ARID4A: variants seen among roughly 807,000 people sequenced by gnomAD.
ARID4A encodes AT-rich interaction domain 4A.
ARID4A carries 39 observed loss-of-function variants against 148.6 expected under a neutral mutation model. That is an observed-to-expected ratio of 0.26 (90% CI 0.20 to 0.34). The LOEUF (loss-of-function observed/expected upper bound fraction) is 0.34, where lower values mean the gene tolerates loss of function less well. Ranked by LOEUF, ARID4A falls within the 10% of genes least tolerant of loss-of-function variation. ARID4A has a pLI of 1.00. For missense variants in ARID4A, 1,265 were observed against 1,449.1 expected, an observed-to-expected ratio of 0.87 and a Z score of 2.06; for synonymous variants, 475 against 481.2, an observed-to-expected ratio of 0.99 and a Z score of 0.17.
chr14:58,323,702 GA>G, intron 8 of ARID4A, 85 bp downstream of exon 8: 1 of 1,308,658 alleles, frequency 7.6e-7, no homozygotes, highest in Non-Finnish European at 1.1e-6. Context: ...AAAATATTTT[GA>G]AAGTATTAAA....
intron 23 of ARID4A, among the ~76,000 whole-genome samples, chr14:58,369,477 T>C (rs907477852): frequency 6.6e-6 from 1 of 151,884 alleles, no homozygotes; most frequent in Non-Finnish European, 1.5e-5. Flanking sequence ...ACTACAAAAG[T>C]CAGCTGCGCA....
intron 17 of ARID4A, among the ~76,000 whole-genome samples, chr14:58,357,539 G>T (rs1181587489): frequency 2.0e-5 from 3 of 151,710 alleles, no homozygotes; most frequent in Non-Finnish European, 4.4e-5. Context: ...ATGCAGCCCA[G>T]CATGGCCTGG....
intron 5 of ARID4A, among the ~76,000 whole-genome samples, chr14:58,306,430 C>A (rs965465928): frequency 6.6e-6 from 1 of 152,078 alleles, no homozygotes; most frequent in Admixed American, 6.5e-5. Context: ...TGCATAGTTG[C>A]GATCGTTACT....
At chr14:58,371,802 A>T in intron 23 of ARID4A, 84 bp from the exon 24 acceptor site, 2 of 1,028,780 alleles carry the variant, frequency 1.9e-6, no homozygotes, top group Non-Finnish European at 3.0e-6. Flanking sequence ...GAATAATGTT[A>T]AGAATTTTAT....
intron 4 of ARID4A, 59 bp downstream of exon 4, chr14:58,305,068 G>A: frequency 7.3e-7 from 1 of 1,374,188 alleles, no homozygotes; most frequent in Non-Finnish European, 1.0e-6. Flanking sequence ...CATATTTACT[G>A]AATTTACATT....
chr14:58,299,674 G>A (rs1404372262), intron 1 of ARID4A, 124 bp from the exon 2 acceptor site: 6 of 764,776 alleles, frequency 7.8e-6, no homozygotes, highest in Non-Finnish European at 1.1e-5. Context: ...CCTCGTAAGG[G>A]GTCTTGTCCC....
chr14:58,363,376 A>G (rs2035216962), intron 19 of ARID4A, among the ~76,000 whole-genome samples: 1 of 152,176 alleles, frequency 6.6e-6, no homozygotes, highest in South Asian at 2.1e-4. Context: ...AAGAATATTT[A>G]AAGTTTTGAG....
rs1299461669 is a variant in ARID4A, at chr14:58,310,881, A to T, written c.274+4769A>T. On this transcript the variant is annotated intron_variant, in intron 5 of 23. Transcript: ENST00000355431. Reference sequence around the variant, plus strand: ...AAAATATTTGCAAACTCTGTATTTAATACGGGGTTCATATCCAGAATTTAT... The same window carrying T: ...AAAATATTTGCAAACTCTGTATTTATTACGGGGTTCATATCCAGAATTTAT... Among the ~76,000 whole-genome samples the T allele has an allele frequency of 1.3e-5, 2 of 152,146 alleles. 1 individual carries two copies. Among genetic ancestry groups the T allele is most frequent in the Non-Finnish European group, 2.9e-5 (2 of 68,016 alleles).
intron 11 of ARID4A, among the ~76,000 whole-genome samples, chr14:58,330,517 T>G (rs996919297): frequency 1.8e-4 from 27 of 152,188 alleles, no homozygotes; most frequent in African/African-American, 6.5e-4. Flanking sequence ...ATGAAGTAAC[T>G]GTTGTTATCC....
In ARID4A at chr14:58,328,870, G is replaced by A. The variant is rs372679572; in HGVS notation, c.662+554G>A. Among the ~76,000 whole-genome samples, 9 of 151,888 alleles carry A rather than the reference G, an allele frequency of 5.9e-5. No individual in the cohort carries two copies. The East Asian group carries it at 1.6e-3, about 26-fold the overall frequency. On this transcript the variant is annotated intron_variant, in intron 9 of 23. Coordinates refer to ENST00000355431, the MANE Select transcript of ARID4A (RefSeq NM_002892.4). Reference sequence around the variant, plus strand: ...TAGCCGGGTGTGGTGGTGCATGCCTGTAGTCCTAGCTTCTCGGGAGGCTGA... The same window carrying A: ...TAGCCGGGTGTGGTGGTGCATGCCTATAGTCCTAGCTTCTCGGGAGGCTGA...
chr14:58,364,149 T>C, intron 19 of ARID4A, 21 bp from the exon 20 acceptor site: 1 of 1,216,324 alleles, frequency 8.2e-7, no homozygotes, highest in Non-Finnish European at 1.1e-6. Context: ...CTGTATAATA[T>C]AATAATATTT....
At chr14:58,303,483 C>T (rs1326125724) in intron 3 of ARID4A, 15 of 468,274 alleles carry the variant, frequency 3.2e-5, no homozygotes, top group South Asian at 2.0e-4. Flanking sequence ...GGTATTGGAT[C>T]ATGCTGTATT....
intron 1 of ARID4A, chr14:58,299,234 C>T (rs556824370): frequency 1.3e-5 from 2 of 152,960 alleles, no homozygotes; most frequent in East Asian, 1.9e-4. Flanking sequence ...CCCCGGGGCT[C>T]TGGCGGCTCC....
intron 1 of ARID4A, chr14:58,299,566 G>T: frequency 1.9e-6 from 1 of 538,792 alleles, no homozygotes; most frequent in Non-Finnish European, 3.4e-6. Context: ...AGCGAGGCGG[G>T]GGCGCGGTGG....
Position 58,366,082 on chromosome 14 carries a change from A to C in ARID4A, c.3375A>C (p.Pro1125=). Residue 1125 remains proline, a synonymous_variant, in exon 22 of 24, where the codon CCA becomes CCC. Transcript: ENST00000355431. ...TAGACAATTCAAGTAAATGTACCCC[A>C]GTAAAGCATCTTAATGTATCTAAGC... The part of the protein sequence containing the change: ...PVLDNSSKCT[P]VKHLNVSKPQ... 1 of 1,613,926 alleles carries C rather than the reference A, an allele frequency of 6.2e-7. No individual in the cohort carries two copies. Among genetic ancestry groups the C allele is most frequent in the Non-Finnish European group, 8.5e-7 (1 of 1,179,832 alleles).
At position 58,306,080 on chromosome 14, in the gene ARID4A, G is replaced by C; in HGVS notation, c.242G>C (p.Ser81Thr). Residue 81 changes from serine (S) to threonine (T), a missense_variant, in exon 5 of 24, where the codon AGC becomes ACC. By Grantham distance (58) the Ser-to-Thr change is moderately conservative. Coordinates refer to ENST00000355431, the MANE Select transcript of ARID4A (RefSeq NM_002892.4). Reference protein sequence around the residue: ...SDGSFQEAIISKLTDASWYTV... With the variant: ...SDGSFQEAIITKLTDASWYTV... ...GGATCTTTTCAGGAAGCTATTATCA[G>C]CAAGTTGACAGATGCTAGTTGGTAT... is the stretch of plus-strand genomic sequence containing the variant. 6.2e-7 allele frequency: 1 copy of C among 1,613,594 alleles called. No homozygotes were observed. The highest frequency in any genetic ancestry group is 8.5e-7 in the Non-Finnish European group (1 of 1,179,724).
At chr14:58,314,119 A>G (rs1266293986) in intron 5 of ARID4A, among the ~76,000 whole-genome samples, 1 of 152,232 alleles carries the variant, frequency 6.6e-6, no homozygotes, top group South Asian at 2.1e-4. Context: ...TGAACAATCT[A>G]TTCAAAAGCC....
chr14:58,353,462 G>A, intron 16 of ARID4A, 196 bp from the exon 17 acceptor site: 1 of 526,212 alleles, frequency 1.9e-6, no homozygotes, highest in Non-Finnish European at 3.3e-6. Flanking sequence ...TTTGGGTACA[G>A]TGCACCTTTA....
chr14:58,336,994 T>G (rs906956886), intron 11 of ARID4A, among the ~76,000 whole-genome samples: 1 of 150,710 alleles, frequency 6.6e-6, no homozygotes, highest in African/African-American at 2.4e-5. Flanking sequence ...CGAGTTCAAG[T>G]GATTTTCATG....
Sources: allele counts gnomAD v4.1 joint callset (sites outside exome capture counted in the v4.1 genomes callset), GRCh38; gene constraint gnomAD v4.1.1; transcripts MANE v1.5; gene names NCBI Gene and HGNC (gene_info 2026-07-23, HGNC 2026-07-21).